The following SLC24A2 variants were observed in gnomAD, a reference collection of about 807,000 sequenced individuals.
SLC24A2 encodes solute carrier family 24 member 2.
A neutral mutation model predicts 62.0 loss-of-function variants in SLC24A2; 36 were observed. The observed-to-expected ratio is 0.58, with a 90% CI of 0.44 to 0.77. SLC24A2 has a LOEUF of 0.77. SLC24A2 is among the 30% of genes least tolerant of loss of function. The pLI is 0.00. For synonymous variants in SLC24A2, 358 were observed against 294.0 expected, an observed-to-expected ratio of 1.22 and a Z score of -2.23; for missense variants, 846 against 817.9, an observed-to-expected ratio of 1.03 and a Z score of -0.42.
chr9:19,691,145 C>G (rs910567420), intron 2 of SLC24A2, among the ~76,000 whole-genome samples: 8 of 152,076 alleles, frequency 5.3e-5, no homozygotes, highest in African/African-American at 1.9e-4. Context: ...AAGGTGTGAA[C>G]AAGAAAGGAT....
the SLC24A2 span, among the ~76,000 whole-genome samples, chr9:20,118,820 G>T: frequency 6.6e-6 from 1 of 152,100 alleles, no homozygotes; most frequent in East Asian, 1.9e-4. Context: ...GCCTCCTTGT[G>T]TTCATGCCCT....
chr9:19,918,932 T>G, the SLC24A2 span, among the ~76,000 whole-genome samples: 24 of 152,194 alleles, frequency 1.6e-4, no homozygotes, highest in Non-Finnish European at 2.9e-5. Flanking sequence ...CAGATTACAA[T>G]GTTCTGGGCA....
chr9:19,803,971 G>C, the SLC24A2 span, among the ~76,000 whole-genome samples: 1 of 152,128 alleles, frequency 6.6e-6, no homozygotes, highest in Non-Finnish European at 1.5e-5. Context: ...TAGTGAGGAA[G>C]AAATTTTATT....
the SLC24A2 span, among the ~76,000 whole-genome samples, chr9:20,266,722 T>G: frequency 6.6e-6 from 1 of 152,210 alleles, no homozygotes; most frequent in Non-Finnish European, 1.5e-5. Flanking sequence ...TGAAAATCTC[T>G]GTATCCTTGG....
the SLC24A2 span, among the ~76,000 whole-genome samples, chr9:19,964,946 G>C: frequency 6.6e-6 from 1 of 152,110 alleles, no homozygotes; most frequent in Non-Finnish European, 1.5e-5. Flanking sequence ...TGAGGTGCCA[G>C]CCTACTCCTG....
chr9:19,883,807 C>T, the SLC24A2 span, among the ~76,000 whole-genome samples: 195 of 152,172 alleles, frequency 1.3e-3, no homozygotes, highest in African/African-American at 4.4e-3. Flanking sequence ...CCTCGTGATC[C>T]GCCCACCTTG....
the SLC24A2 span, among the ~76,000 whole-genome samples, chr9:20,216,215 C>G: frequency 6.6e-6 from 1 of 152,188 alleles, no homozygotes; most frequent in Non-Finnish European, 1.5e-5. Flanking sequence ...CACGTTGTAT[C>G]CCGTTTGCCT....
chr9:20,020,153 G>T, the SLC24A2 span, among the ~76,000 whole-genome samples: 1 of 152,226 alleles, frequency 6.6e-6, no homozygotes, highest in Non-Finnish European at 1.5e-5. Context: ...CATTGTGGAA[G>T]ACAGTGTGGC....
chr9:20,283,402 A>G, the SLC24A2 span, among the ~76,000 whole-genome samples: 1 of 152,170 alleles, frequency 6.6e-6, no homozygotes, highest in Non-Finnish European at 1.5e-5. Context: ...TCTGCTGGCA[A>G]TTCGTATGGA....
At chr9:20,282,240 C>T in the SLC24A2 span, among the ~76,000 whole-genome samples, 2 of 152,110 alleles carry the variant, frequency 1.3e-5, no homozygotes, top group Admixed American at 1.3e-4. Flanking sequence ...ATCAAATAGG[C>T]CCCAAGAAAC....
the SLC24A2 span, among the ~76,000 whole-genome samples, chr9:20,113,973 A>C: frequency 2.6e-5 from 4 of 152,308 alleles, no homozygotes; most frequent in Admixed American, 2.0e-4. Context: ...GGTGAACCCT[A>C]TGATTGCCCC....
intron 4 of SLC24A2, among the ~76,000 whole-genome samples, chr9:19,613,488 G>A (rs926733843): frequency 6.6e-6 from 1 of 151,952 alleles, no homozygotes; most frequent in Non-Finnish European, 1.5e-5. Context: ...TTTTCTCTAC[G>A]CTCCTCTTTC....
At chr9:19,893,631 G>A in the SLC24A2 span, among the ~76,000 whole-genome samples, 1 of 152,012 alleles carries the variant, frequency 6.6e-6, no homozygotes, top group Non-Finnish European at 1.5e-5. Flanking sequence ...ATATGTTATT[G>A]TCCTCATTTT....
At position 19,632,328 on chromosome 9, in the gene SLC24A2, C is replaced by T. The variant is rs1270848802; in HGVS notation, c.931-10029G>A. 2.6e-5 allele frequency among the ~76,000 whole-genome samples: 4 copies of T among 152,158 alleles called. No homozygotes were observed. The highest frequency in any genetic ancestry group is 4.8e-5 in the African/African-American group (2 of 41,438). On this transcript the variant is annotated intron_variant, in intron 2 of 10. Coordinates refer to ENST00000341998, the MANE Select transcript of SLC24A2 (RefSeq NM_020344.4). This position sits in a 1 kb window ranked among gnomAD's most constrained non-coding sequence, Gnocchi z 4.5. ...TCCATTTGCCAAATATCCTCCTTCA[C>T]GGCATTTAAAAAATCACCCATTCAT... is the stretch of plus-strand genomic sequence containing the variant.
the SLC24A2 span, among the ~76,000 whole-genome samples, chr9:19,978,618 A>T: frequency 6.6e-6 from 1 of 152,134 alleles, no homozygotes; most frequent in Non-Finnish European, 1.5e-5. Flanking sequence ...AGTATTTAAC[A>T]ATTTTAGAAA....
the SLC24A2 span, among the ~76,000 whole-genome samples, chr9:20,001,431 A>G: frequency 6.6e-6 from 1 of 152,206 alleles, no homozygotes; most frequent in East Asian, 1.9e-4. Flanking sequence ...AAGGCAACCA[A>G]TTAATTTTCC....
chr9:19,802,797 TG>T, the SLC24A2 span, among the ~76,000 whole-genome samples: 1 of 152,216 alleles, frequency 6.6e-6, no homozygotes, highest in African/African-American at 2.4e-5. Flanking sequence ...AAAATGGACA[TG>T]CTATGGTCTG....
At chr9:19,854,413 T>C in the SLC24A2 span, among the ~76,000 whole-genome samples, 1 of 152,150 alleles carries the variant, frequency 6.6e-6, no homozygotes, top group Admixed American at 6.6e-5. Flanking sequence ...TCTTTCTGGC[T>C]TTTTTTACAT....
the SLC24A2 span, among the ~76,000 whole-genome samples, chr9:20,289,997 G>A: frequency 3.9e-5 from 6 of 152,090 alleles, no homozygotes; most frequent in African/African-American, 7.2e-5. Context: ...GCTGGGATGC[G>A]CACTCCTTAA....
Sources: gnomAD v4.1 joint callset for allele counts (sites outside exome capture counted in the v4.1 genomes callset) on GRCh38, gnomAD v4.1.1 for gene constraint, Gnocchi (gnomAD v3.1) non-coding constraint, MANE v1.5 for transcripts, NCBI Gene and HGNC (gene_info 2026-07-23, HGNC 2026-07-21) for gene names.